Variants in NSMAF observed in about 807,000 individuals in gnomAD.
The protein encoded by NSMAF is neutral sphingomyelinase activation associated factor.
A neutral mutation model predicts 134.9 loss-of-function variants in NSMAF; 90 were observed. The ratio of observed to expected loss-of-function variants is 0.67; its 90% confidence interval spans 0.56 to 0.79. The LOEUF (loss-of-function observed/expected upper bound fraction) is 0.79, where lower values mean the gene tolerates loss of function less well. NSMAF is among the 30% of genes least tolerant of loss of function. The pLI is 0.00. For synonymous variants in NSMAF, 358 were observed against 389.6 expected, an observed-to-expected ratio of 0.92 and a Z score of 0.96; for missense variants, 1,010 against 1,119.0, an observed-to-expected ratio of 0.90 and a Z score of 1.39.
At chr8:58,638,606 T>C (rs189137894) in intron 2 of NSMAF, among the ~76,000 whole-genome samples, 2 of 152,146 alleles carry the variant, frequency 1.3e-5, no homozygotes, top group East Asian at 3.9e-4. Flanking sequence ...CCTTACCTCA[T>C]CCCATACATA....
chr8:58,653,542 T>C (rs1407119811), intron 1 of NSMAF, among the ~76,000 whole-genome samples: 2 of 151,936 alleles, frequency 1.3e-5, no homozygotes, highest in African/African-American at 4.8e-5. Flanking sequence ...GCTATATTAA[T>C]ATCAGACAAA....
At chr8:58,659,517 C>T in intron 1 of NSMAF, 56 bp downstream of exon 1, 15 of 1,514,848 alleles carry the variant, frequency 9.9e-6, no homozygotes, top group Non-Finnish European at 1.3e-5. Context: ...GCCGGCGTCC[C>T]CACGACCGGC....
rs1806279484 is a variant in NSMAF at position 58,601,500 on chromosome 8, C to T, written c.1161G>A (p.Met387Ile). The T allele has an allele frequency of 1.2e-6, 2 of 1,600,996 alleles. No homozygotes were observed. The highest frequency in any genetic ancestry group is 1.7e-5 in the Admixed American group (1 of 58,864). The change falls in exon 15 of 31, where the codon ATG (methionine) becomes ATA (isoleucine). Residue 387 changes from methionine (M) to isoleucine (I), a missense_variant. Physicochemically the swap from Met to Ile is conservative, Grantham distance 10. Coordinates refer to ENST00000038176, the MANE Select transcript of NSMAF (RefSeq NM_003580.4). ...RYQEMPEPKF[M>I]YGSHYSSPGY... The stretch of plus-strand genomic sequence containing the variant: ...CCGGGGAAGAGTAGTGACTCCCATA[C>T]ATGAACTTTGGTTCAGGCATTTCCT...
chr8:58,619,709 A>G (rs557734312), intron 9 of NSMAF, among the ~76,000 whole-genome samples: 1 of 152,282 alleles, frequency 6.6e-6, no homozygotes, highest in African/African-American at 2.4e-5. Flanking sequence ...ATGAAGTACT[A>G]GGAATAAATA....
rs1563522087 is a variant in NSMAF at position 58,587,683 on chromosome 8, C to T, written c.2230G>A (p.Ala744Thr). 6.2e-7 allele frequency: 1 copy of T among 1,614,112 alleles called. No homozygotes were observed. ...TGTCTTTTGGTGCCTGGCATCTCTG[C>T]AGGAACACCAGACCACACCTAGGAT... ...STVKVWSGVP[A>T]EMPGTKRHHF... is the part of the protein sequence containing the mutation. Residue 744 changes from alanine (A) to threonine (T), a missense_variant, in exon 27 of 31, where the codon GCA (alanine) becomes ACA (threonine). Transcript: ENST00000038176.
chr8:58,658,948 G>A (rs1807786285), intron 1 of NSMAF, among the ~76,000 whole-genome samples: 1 of 152,212 alleles, frequency 6.6e-6, no homozygotes, highest in South Asian at 2.1e-4. Context: ...GCAAGTGTTT[G>A]GGAGGCAGGA....
In NSMAF at chr8:58,659,727, C is replaced by T; in HGVS notation, c.-96G>A. 3.9e-6 allele frequency: 4 copies of T among 1,028,722 alleles called. No homozygotes were observed. Among genetic ancestry groups the T allele is most frequent in the Non-Finnish European group, 5.0e-6 (4 of 794,488 alleles). 63.7% of individuals were successfully genotyped at this position (1,028,722 alleles called of 1,614,324 possible). ...GAGCCGGGGAGGGCGGGATTGGTGG[C>T]CGGCTGGGGAGCGCGCGGCTGCCGG... On this transcript the variant is annotated 5_prime_UTR_variant, in exon 1 of 31. Transcript: ENST00000038176.
intron 11 of NSMAF, among the ~76,000 whole-genome samples, chr8:58,606,441 G>A (rs910189939): frequency 6.6e-6 from 1 of 152,046 alleles, no homozygotes; most frequent in South Asian, 2.1e-4. Flanking sequence ...TTTGAGACCA[G>A]GTCCTGCTCT....
intron 1 of NSMAF, 78 bp downstream of exon 1, chr8:58,659,495 C>T (rs1228978310): frequency 6.6e-7 from 1 of 1,505,676 alleles, no homozygotes; most frequent in Non-Finnish European, 8.9e-7. Flanking sequence ...CCTCCCGTCC[C>T]TCAGATCTCC....
chr8:58,614,977 C>T lies in NSMAF; in HGVS notation c.558-5244G>A, dbSNP rs574596926. On this transcript the variant is annotated intron_variant, in intron 9 of 30. Transcript: ENST00000038176. ...TATATTTTTTAAAACAGAATAAATA[C>T]ACAGGTTAGTAGTAAAAGGGCAAAA... is the stretch of plus-strand genomic sequence containing the variant. Among the ~76,000 whole-genome samples the T allele has an allele frequency of 1.7e-3, 253 of 152,018 alleles. 1 individual carries two copies. The highest frequency in any genetic ancestry group is 5.6e-3 in the African/African-American group (234 of 41,488).
chr8:58,597,684 T>A, intron 20 of NSMAF, 134 bp from the exon 21 acceptor site: 1 of 964,368 alleles, frequency 1.0e-6, no homozygotes, highest in Non-Finnish European at 1.6e-6. Context: ...CAGGATTGTC[T>A]AAACCTCATT....
rs369828866 is a variant in NSMAF, at chr8:58,603,376, C to T, written c.879G>A (p.Val293=). The T allele has an allele frequency of 1.7e-5, 28 of 1,613,614 alleles. No individual in the cohort carries two copies. The African/African-American group carries it at 3.5e-4, about 20-fold the overall frequency. The change falls in exon 13 of 31, where the codon GTG becomes GTA. Residue 293 remains valine, a synonymous_variant. Coordinates refer to ENST00000038176, the MANE Select transcript of NSMAF (RefSeq NM_003580.4). ...TGTAGCTCTCAGCAGTGTGCTCCGC[C>T]ACATGGTGCTCTGGGGGAAGAGGAC... is the stretch of plus-strand genomic sequence containing the variant. ...FYIATYLEHH[V]AEHTAESYML...
At chr8:58,636,787 T>G (rs1453329627) in intron 2 of NSMAF, among the ~76,000 whole-genome samples, 1 of 152,220 alleles carries the variant, frequency 6.6e-6, no homozygotes, top group African/African-American at 2.4e-5. Flanking sequence ...TGCCAAGCCC[T>G]GCTGTGAATC....
intron 19 of NSMAF, among the ~76,000 whole-genome samples, chr8:58,598,490 CAAAAAAAAAAAAA>C (rs71250204): frequency 2.4e-5 from 3 of 125,952 alleles, no homozygotes; most frequent in African/African-American, 9.4e-5. Flanking sequence ...CTGTCTCAAA[CAAAAAAAAAAAAA>C]AAAAAAAAGA....
chr8:58,635,509 C>T lies in NSMAF; in HGVS notation c.187G>A (p.Val63Met). ...RGSLKICSKS[V>M]IFEPDSISQP... ...GATATTGAATCTGGTTCAAAAATCA[C>T]CGATTTTGAACATATTTTTAAGGAG... Residue 63 changes from valine to methionine, a missense_variant, in exon 3 of 31, where the codon GTG (valine) becomes ATG (methionine). Coordinates refer to ENST00000038176, the MANE Select transcript of NSMAF (RefSeq NM_003580.4). 6.2e-7 allele frequency: 1 copy of T among 1,606,426 alleles called. No individual in the cohort carries two copies. Among genetic ancestry groups the T allele is most frequent in the Non-Finnish European group, 8.5e-7 (1 of 1,177,304 alleles).
chr8:58,605,247 T>G (rs1255121973), intron 12 of NSMAF, among the ~76,000 whole-genome samples: 4 of 152,184 alleles, frequency 2.6e-5, no homozygotes, highest in Non-Finnish European at 5.9e-5. Context: ...CAAATTCCAC[T>G]CCAAAGTCAG....
rs918519632 is a variant in NSMAF, at chr8:58,638,770, T to C, written c.150-3224A>G. ...GGCAATATAAGCAAAAATAGACAAA[T>C]GGGATTACATAAAACAAAAAGCTTC... On this transcript the variant is annotated intron_variant, in intron 2 of 30. Coordinates refer to ENST00000038176, the MANE Select transcript of NSMAF (RefSeq NM_003580.4). Among the ~76,000 whole-genome samples, 8 of 152,020 alleles carry C rather than the reference T, an allele frequency of 5.3e-5. No individual in the cohort carries two copies. The East Asian group carries it at 1.3e-3, about 26-fold the overall frequency.
At position 58,589,933 on chromosome 8, in the gene NSMAF, C is replaced by G. The variant is rs1202051653; in HGVS notation, c.2087+74G>C. ...GTGTCCTGGCAGGGAAAGCTTCTGG[C>G]TTTTCACACCTCATGTCCACAGAGG... is the stretch of plus-strand genomic sequence containing the variant. On this transcript the variant is annotated intron_variant, in intron 25 of 30. Coordinates refer to ENST00000038176, the MANE Select transcript of NSMAF (RefSeq NM_003580.4). 5.4e-6 allele frequency: 7 copies of G among 1,304,192 alleles called. No individual in the cohort carries two copies. The African/African-American group carries it at 8.8e-5, about 16-fold the overall frequency. 80.8% of individuals were successfully genotyped at this position (1,304,192 alleles called of 1,614,324 possible).
intron 9 of NSMAF, among the ~76,000 whole-genome samples, chr8:58,615,031 A>T (rs1310582720): frequency 6.6e-6 from 1 of 152,156 alleles, no homozygotes; most frequent in Non-Finnish European, 1.5e-5. Context: ...CACAACACAT[A>T]AGAAAACTGA....
Sources: gnomAD v4.1 joint callset for allele counts (sites outside exome capture counted in the v4.1 genomes callset) on GRCh38, gnomAD v4.1.1 for gene constraint, MANE v1.5 for transcripts, NCBI Gene and HGNC (gene_info 2026-07-23, HGNC 2026-07-21) for gene names.